QKI: variants seen among roughly 807,000 people sequenced by gnomAD.
QKI encodes QKI, KH domain containing RNA binding.
A neutral mutation model predicts 39.0 loss-of-function variants in QKI; 10 were observed. The ratio of observed to expected loss-of-function variants is 0.26; its 90% CI spans 0.16 to 0.43. QKI has a LOEUF of 0.43. Among genes scored for constraint, QKI ranks in the 20% least tolerant of loss-of-function variants. The pLI, the probability that QKI is intolerant of heterozygous loss-of-function variation, is 1.00. For synonymous variants in QKI, 204 were observed against 155.4 expected (o/e 1.31, Z -2.33); for missense variants, 218 against 428.0 (o/e 0.51, Z 4.33).
intron 2 of QKI, among the ~76,000 whole-genome samples, chr6:163,459,687 A>G (rs1344081219): frequency 1.3e-5 from 2 of 152,206 alleles, no homozygotes; most frequent in Non-Finnish European, 1.5e-5. Context: ...GAGTAAAGGT[A>G]ACAAATGTGT....
At chr6:163,470,563 A>T (rs1419630916) in intron 2 of QKI, among the ~76,000 whole-genome samples, 1 of 152,208 alleles carries the variant, frequency 6.6e-6, no homozygotes, top group African/African-American at 2.4e-5. Context: ...ACAAGATGAC[A>T]TTAACAAAAA....
Position 163,553,229 on chromosome 6 carries a change from A to T in QKI, c.547-8753A>T, listed in dbSNP as rs1475384927. Among the ~76,000 whole-genome samples, 67 of 151,660 alleles carry T rather than the reference A, an allele frequency of 4.4e-4. 1 individual carries two copies. Among genetic ancestry groups the T allele is most frequent in the Non-Finnish European group, 5.9e-5 (4 of 67,854 alleles). On this transcript the variant is annotated intron_variant, in intron 4 of 7. Transcript: ENST00000361752. Reference sequence around the variant, plus strand: ...AGCGATTCTCCTGCCTCAGCCTCCCAAGTAGCTAGGATTACAGGCGTGCAC... The same window carrying T: ...AGCGATTCTCCTGCCTCAGCCTCCCTAGTAGCTAGGATTACAGGCGTGCAC...
At chr6:163,490,499 A>G (rs1239985396) in intron 3 of QKI, among the ~76,000 whole-genome samples, 1 of 152,144 alleles carries the variant, frequency 6.6e-6, no homozygotes, top group African/African-American at 2.4e-5. Context: ...TTGAAGTAGG[A>G]GTTTACCAGG....
At position 163,478,762 on chromosome 6, in the gene QKI, C is replaced by A; in HGVS notation, c.286-18C>A. The A allele has an allele frequency of 8.7e-7, 1 of 1,153,482 alleles. No individual in the cohort carries two copies. Among genetic ancestry groups the A allele is most frequent in the Non-Finnish European group, 1.2e-6 (1 of 825,006 alleles). The allele number at this position is 1,153,482 out of a possible 1,614,324, so 71.5% of individuals were successfully genotyped here. ...AGCAAGTGAATAATGTATAGTGATCCTTTTTTTTTTTTCTCAGTTTAATTT... is the reference window on the plus strand; with the variant it reads ...AGCAAGTGAATAATGTATAGTGATCATTTTTTTTTTTTCTCAGTTTAATTT... On this transcript the variant is annotated intron_variant, in intron 2 of 7. Coordinates refer to ENST00000361752, the MANE Select transcript of QKI (RefSeq NM_006775.3).
At chr6:163,500,937 A>G (rs905679425) in intron 3 of QKI, among the ~76,000 whole-genome samples, 17 of 152,104 alleles carry the variant, frequency 1.1e-4, no homozygotes, top group African/African-American at 4.1e-4. Flanking sequence ...CTCCCCTCCA[A>G]TGTATGCGTG....
At chr6:163,546,647 GTAAAAT>G (rs1223935677) in intron 4 of QKI, among the ~76,000 whole-genome samples, 10 of 151,770 alleles carry the variant, frequency 6.6e-5, no homozygotes, top group African/African-American at 1.2e-4. Context: ...ATATTTATAA[GTAAAAT>G]TAAGATAGTA....
chr6:163,456,687 G>GT (rs1790945072), intron 2 of QKI, among the ~76,000 whole-genome samples: 1 of 152,016 alleles, frequency 6.6e-6, no homozygotes, highest in East Asian at 1.9e-4. Context: ...GGTTTTATAG[G>GT]TATTTTTGGT....
At chr6:163,459,988 T>G (rs2128220411) in intron 2 of QKI, among the ~76,000 whole-genome samples, 1 of 152,332 alleles carries the variant, frequency 6.6e-6, no homozygotes, top group South Asian at 2.1e-4. Flanking sequence ...GTGTTATATT[T>G]TGAATGAGTC....
chr6:163,427,343 C>T (rs576449805), intron 1 of QKI, among the ~76,000 whole-genome samples: 10 of 137,658 alleles, frequency 7.3e-5, no homozygotes, highest in Non-Finnish European at 7.7e-5. Context: ...AAGGAAAATA[C>T]TTTCAAAATA....
chr6:163,436,025 G>A (rs1367728349), intron 1 of QKI, among the ~76,000 whole-genome samples: 1 of 152,110 alleles, frequency 6.6e-6, no homozygotes, highest in African/African-American at 2.4e-5. Flanking sequence ...GTTTAATCCA[G>A]AATTTAGGTG....
intron 4 of QKI, among the ~76,000 whole-genome samples, chr6:163,556,519 AAAAAAC>A (rs1321852506): frequency 4.2e-4 from 63 of 151,412 alleles, no homozygotes; most frequent in African/African-American, 1.3e-3. Flanking sequence ...AAAAAAAAAA[AAAAAAC>A]AACAAACAAC....
intron 3 of QKI, among the ~76,000 whole-genome samples, chr6:163,516,602 A>T (rs1779819443): frequency 6.6e-6 from 1 of 152,190 alleles, no homozygotes; most frequent in South Asian, 2.1e-4. Flanking sequence ...CTAAAACTTC[A>T]TTTTAAATTA....
chr6:163,515,218 T>C (rs1779720957), intron 3 of QKI, among the ~76,000 whole-genome samples: 4 of 152,130 alleles, frequency 2.6e-5, no homozygotes, highest in African/African-American at 4.8e-5. Flanking sequence ...CTCAATGTTA[T>C]CAAAGCTATG....
At chr6:163,506,942 A>G (rs1406058110) in intron 3 of QKI, among the ~76,000 whole-genome samples, 2 of 152,162 alleles carry the variant, frequency 1.3e-5, no homozygotes, top group Admixed American at 6.5e-5. Flanking sequence ...ATGTTTGTGT[A>G]TAGTAATCCT....
rs1777664298 is a variant in QKI, at chr6:163,577,840, A to C, written c.*7130A>C. On this transcript the variant is annotated 3_prime_UTR_variant, in exon 8 of 8. Coordinates refer to ENST00000361752, the MANE Select transcript of QKI (RefSeq NM_006775.3). ...GCACATTGTGTTCTTATGTTTACAG[A>C]AGTGCTTAAGTGAATGGAAGCACTA... The C allele has an allele frequency of 6.6e-6, 1 of 152,220 alleles. No individual in the cohort carries two copies. The allele number at this position is 152,220 out of a possible 1,614,324, so 9.4% of individuals were successfully genotyped here. A position where few individuals can be genotyped will look rare whatever the true frequency, so the allele number is the denominator to read the frequency against.
intron 1 of QKI, among the ~76,000 whole-genome samples, chr6:163,418,751 A>T (rs1230187055): frequency 6.6e-6 from 1 of 152,180 alleles, no homozygotes; most frequent in Non-Finnish European, 1.5e-5. Context: ...TGGTTTTTAA[A>T]AAAACAGACT....
chr6:163,554,046 GAGA>G (rs1489169608), intron 4 of QKI, among the ~76,000 whole-genome samples: 1 of 152,178 alleles, frequency 6.6e-6, no homozygotes, highest in Non-Finnish European at 1.5e-5. Flanking sequence ...TGGAATAAAA[GAGA>G]AGAAAGCCTG....
chr6:163,443,368 A>G (rs1420057352), intron 1 of QKI, among the ~76,000 whole-genome samples: 1 of 152,228 alleles, frequency 6.6e-6, no homozygotes, highest in Admixed American at 6.5e-5. Flanking sequence ...CAGGAGTTCA[A>G]AACCAGCCTG....
chr6:163,562,510 C>T (rs1318037619), intron 5 of QKI, among the ~76,000 whole-genome samples: 1 of 152,072 alleles, frequency 6.6e-6, no homozygotes, highest in African/African-American at 2.4e-5. Context: ...GCATGTTTTC[C>T]CTCTAGTATT....
Sources: gnomAD v4.1 joint callset for allele counts (sites outside exome capture counted in the v4.1 genomes callset) on GRCh38, gnomAD v4.1.1 for gene constraint, MANE v1.5 for transcripts, NCBI Gene and HGNC (gene_info 2026-07-23, HGNC 2026-07-21) for gene names.